The following SLC38A6 variants were observed in gnomAD, a reference collection of about 807,000 sequenced individuals.
SLC38A6 encodes solute carrier family 38 member 6.
Under a neutral mutation model 65.0 loss-of-function variants are expected in SLC38A6, and 73 were observed. The observed-to-expected ratio is 1.12, with a 90% CI of 0.93 to 1.37. The LOEUF is 1.37. Among genes scored for constraint, SLC38A6 ranks in the 40% most tolerant of loss-of-function variants. The pLI, the probability that SLC38A6 is intolerant of heterozygous loss-of-function variation, is 0.00. For missense variants in SLC38A6, 561 were observed against 531.1 expected (o/e 1.06, Z -0.55); for synonymous variants, 183 against 178.8 (o/e 1.02, Z -0.19).
chr14:61,000,167 C>T (rs552834816), intron 3 of SLC38A6, among the ~76,000 whole-genome samples: 1 of 152,226 alleles, frequency 6.6e-6, no homozygotes, highest in South Asian at 2.1e-4. Flanking sequence ...TATATTCAAA[C>T]CATTAACCAA....
downstream of SLC38A6, among the ~76,000 whole-genome samples, chr14:61,054,638 T>G (rs567922014): frequency 6.6e-6 from 1 of 152,306 alleles, no homozygotes; most frequent in Admixed American, 6.5e-5. Flanking sequence ...TTGTGGCAAT[T>G]GTGAATGGGA....
chr14:61,022,124 T>G (rs1300036325), intron 5 of SLC38A6, among the ~76,000 whole-genome samples: 3 of 152,168 alleles, frequency 2.0e-5, no homozygotes, highest in Non-Finnish European at 2.9e-5. Context: ...TATTAATTAT[T>G]TTAACGTATT....
intron 3 of SLC38A6, among the ~76,000 whole-genome samples, chr14:60,994,437 C>T (rs1462353406): frequency 6.6e-6 from 1 of 151,988 alleles, no homozygotes; most frequent in Admixed American, 6.6e-5. Flanking sequence ...CCCAGCTACT[C>T]AGGAGGCTGA....
At chr14:60,994,163 C>T (rs1280319130) in intron 3 of SLC38A6, among the ~76,000 whole-genome samples, 3 of 152,176 alleles carry the variant, frequency 2.0e-5, no homozygotes, top group African/African-American at 7.2e-5. Flanking sequence ...TTATATTTAC[C>T]AAAATCTGGA....
At chr14:61,049,742 C>T (rs2042391465) in intron 12 of SLC38A6, among the ~76,000 whole-genome samples, 1 of 152,098 alleles carries the variant, frequency 6.6e-6, no homozygotes, top group African/African-American at 2.4e-5. Flanking sequence ...AATTAAAAGG[C>T]ACCATTCTAT....
At chr14:61,048,496 T>A (rs1262692623) in intron 12 of SLC38A6, among the ~76,000 whole-genome samples, 1 of 152,158 alleles carries the variant, frequency 6.6e-6, no homozygotes, top group Non-Finnish European at 1.5e-5. Context: ...CATGCACCAC[T>A]CTATCCCTCA....
At chr14:61,030,263 C>CTGTGTGTGTGTGTG (rs3080609) in intron 5 of SLC38A6, among the ~76,000 whole-genome samples, 182 bp from the exon 6 acceptor site, 4 of 148,726 alleles carry the variant, frequency 2.7e-5, no homozygotes, top group Admixed American at 1.3e-4. Flanking sequence ...AGTTACTTTT[C>CTGTGTGTGTGTGTG]TGTGTGTGTG....
At chr14:61,015,427 C>T (rs546041939) in intron 3 of SLC38A6, among the ~76,000 whole-genome samples, 38 of 152,216 alleles carry the variant, frequency 2.5e-4, no homozygotes, top group African/African-American at 6.0e-4. Context: ...GAGATGAACC[C>T]GGTACCTCAG....
intron 15 of SLC38A6, among the ~76,000 whole-genome samples, chr14:61,068,067 TC>T (rs1351904778): frequency 6.6e-6 from 1 of 152,116 alleles, no homozygotes; most frequent in Admixed American, 6.6e-5. Flanking sequence ...TTTCCTCACT[TC>T]CCTTGGAAGT....
Position 61,051,853 on chromosome 14 carries a change from A to G in SLC38A6, c.1117A>G (p.Ile373Val), listed in dbSNP as rs1193337128. 1.9e-6 allele frequency: 3 copies of G among 1,612,492 alleles called. No homozygotes were observed. Among genetic ancestry groups the G allele is most frequent in the African/African-American group, 1.3e-5 (1 of 74,812 alleles). ...FPFSWIRHFLITLALNIIIVL... is the reference protein window; with the variant it reads ...FPFSWIRHFLVTLALNIIIVL... ...ATTCTCATGGATTCGCCATTTTTTG[A>G]TCACTCTAGCACTCAATATTATCAT... Residue 373 changes from isoleucine (I) to valine (V), a missense_variant, in exon 14 of 16, where the codon ATC becomes GTC. Ile to Val is a conservative substitution (Grantham distance 29). Transcript: ENST00000267488.
intron 15 of SLC38A6, among the ~76,000 whole-genome samples, chr14:61,077,303 T>C (rs955288564): frequency 4.6e-5 from 7 of 152,220 alleles, no homozygotes; most frequent in Admixed American, 1.3e-4. Flanking sequence ...CTAATGCTCA[T>C]TGACTTCAGT....
At chr14:61,029,884 ATTC>A (rs1195585806) in intron 5 of SLC38A6, among the ~76,000 whole-genome samples, 1 of 152,156 alleles carries the variant, frequency 6.6e-6, no homozygotes, top group Non-Finnish European at 1.5e-5. Context: ...TTCATTATGT[ATTC>A]TTTTTTATCC....
chr14:60,994,401 T>C (rs2139732618), intron 3 of SLC38A6, among the ~76,000 whole-genome samples: 1 of 151,610 alleles, frequency 6.6e-6, no homozygotes, highest in South Asian at 2.1e-4. Context: ...CAAAATTACC[T>C]GGGCGTGGTG....
intron 9 of SLC38A6, 53 bp from the exon 10 acceptor site, chr14:61,043,397 C>A: frequency 1.4e-6 from 2 of 1,380,112 alleles, no homozygotes; most frequent in Non-Finnish European, 2.0e-6. Context: ...TTGATATATT[C>A]TGAAATTTAA....
At position 61,052,461 on chromosome 14, in the gene SLC38A6, A is replaced by G. The variant is rs1335579078; in HGVS notation, c.*32A>G. On this transcript the variant is annotated 3_prime_UTR_variant, in exon 16 of 16. Transcript: ENST00000267488. The stretch of plus-strand genomic sequence containing the variant: ...TATTTTCCTACTTCTTACAAGAATA[A>G]TATACCCCTAGTTGCAAGAATGAAT... 9.7e-6 allele frequency: 15 copies of G among 1,545,742 alleles called. No individual in the cohort carries two copies. The highest frequency in any genetic ancestry group is 1.2e-5 in the Non-Finnish European group (14 of 1,150,804).
chr14:61,075,431 G>A (rs1014805602), intron 15 of SLC38A6, among the ~76,000 whole-genome samples: 5 of 152,202 alleles, frequency 3.3e-5, no homozygotes, highest in Non-Finnish European at 7.3e-5. Flanking sequence ...CCCAGAGTCC[G>A]TGGGCACATC....
intron 3 of SLC38A6, among the ~76,000 whole-genome samples, chr14:60,985,718 T>G (rs1201127140): frequency 6.6e-6 from 1 of 152,230 alleles, no homozygotes; most frequent in Non-Finnish European, 1.5e-5. Context: ...CTGCATAATT[T>G]ATAAATAAAA....
At chr14:61,073,054 A>T (rs886287657) in intron 15 of SLC38A6, among the ~76,000 whole-genome samples, 11 of 151,972 alleles carry the variant, frequency 7.2e-5, no homozygotes, top group Non-Finnish European at 1.6e-4. Flanking sequence ...ATTTATTATT[A>T]TCTGTATTTT....
In SLC38A6 at chr14:61,019,586, C is replaced by A. The variant is rs527851117; in HGVS notation, c.403+6C>A. 1.9e-6 allele frequency: 3 copies of A among 1,612,788 alleles called. No individual in the cohort carries two copies. The East Asian group carries it at 6.7e-5, about 36-fold the overall frequency. ...AATAATTCAGAATATTGGAGGTAAG[C>A]AATTGCAAGTGCACTGTTTATACAT... On this transcript the variant is annotated splice_donor_region_variant and intron_variant, in intron 5 of 15. Coordinates refer to ENST00000267488, the MANE Select transcript of SLC38A6 (RefSeq NM_153811.3).
Sources: allele counts gnomAD v4.1 joint callset (sites outside exome capture counted in the v4.1 genomes callset), GRCh38; gene constraint gnomAD v4.1.1; transcripts MANE v1.5; gene names NCBI Gene and HGNC (gene_info 2026-07-23, HGNC 2026-07-21).